PTCD3: variants seen among roughly 807,000 people sequenced by gnomAD.
PTCD3 encodes pentatricopeptide repeat domain 3.
In PTCD3, 89 loss-of-function variants were observed where a neutral mutation model predicts 101.9. The ratio of observed to expected loss-of-function variants is 0.87; its 90% CI spans 0.74 to 1.04. The LOEUF is 1.04. Among genes scored for constraint, PTCD3 ranks in the 50% least tolerant of loss-of-function variants. PTCD3 has a pLI of 0.00. For missense variants in PTCD3, 870 were observed against 828.2 expected (o/e 1.05, Z -0.62); for synonymous variants, 296 against 278.5 (o/e 1.06, Z -0.63).
chr2:86,116,513 TTA>T lies in PTCD3; in HGVS notation c.241-15_241-14del. 10 of 1,585,486 alleles carry T rather than the reference TTA, an allele frequency of 6.3e-6. No individual in the cohort carries two copies. The highest frequency in any genetic ancestry group is 8.7e-6 in the Non-Finnish European group (10 of 1,154,488). ...CTTCAAAATAAATATAGAAATTGTA[TTA>T]TGTCTTTTCCACAGGATACCACAGC... On this transcript the variant is annotated splice_polypyrimidine_tract_variant and intron_variant, in intron 4 of 23. Coordinates refer to ENST00000254630, the MANE Select transcript of PTCD3 (RefSeq NM_017952.6).
At position 86,131,248 on chromosome 2, in the gene PTCD3, A is replaced by AT. The variant is rs931828146; in HGVS notation, c.1266+152dup. 4,976 of 637,720 alleles carry AT rather than the reference A, an allele frequency of 7.8e-3. 1 individual carries two copies. The highest frequency in any genetic ancestry group is 8.8e-3 in the Non-Finnish European group (3,619 of 410,650). The allele number at this position is 637,720 out of a possible 1,614,324, so 39.5% of individuals were successfully genotyped here. Reference sequence around the variant, plus strand: ...TTTTCTTCTTTCTCTAAAATCTATAATTTTTTTTTTCTTTGAGATGGAGGT... The same window carrying AT: ...TTTTCTTCTTTCTCTAAAATCTATAATTTTTTTTTTTCTTTGAGATGGAGGT... On this transcript the variant is annotated intron_variant, in intron 16 of 23. Coordinates refer to ENST00000254630, the MANE Select transcript of PTCD3 (RefSeq NM_017952.6).
chr2:86,108,111 G>C (rs553744690), intron 1 of PTCD3, among the ~76,000 whole-genome samples: 6 of 149,244 alleles, frequency 4.0e-5, no homozygotes, highest in African/African-American at 1.5e-4. Context: ...AGGCAATGGA[G>C]CAAGACCCTG....
chr2:86,120,724 A>G (rs1395277625), intron 7 of PTCD3, among the ~76,000 whole-genome samples: 4 of 152,154 alleles, frequency 2.6e-5, no homozygotes, highest in African/African-American at 9.7e-5. Context: ...GCGAGACCTC[A>G]TCTCTACAAA....
chr2:86,137,337 T>C (rs1573860815), intron 23 of PTCD3, 132 bp from the exon 24 acceptor site: 6 of 1,369,798 alleles, frequency 4.4e-6, no homozygotes, highest in East Asian at 2.5e-5. Flanking sequence ...GTTTCTAATA[T>C]AGTTTAATGC....
intron 4 of PTCD3, among the ~76,000 whole-genome samples, chr2:86,112,290 T>A (rs1259420408): frequency 1.4e-5 from 2 of 144,504 alleles, no homozygotes; most frequent in Non-Finnish European, 1.5e-5. Context: ...TCTCCTGACC[T>A]CCTGATCCAC....
At chr2:86,127,844 AAT>A in intron 13 of PTCD3, 95 bp from the exon 14 acceptor site, 2 of 984,448 alleles carry the variant, frequency 2.0e-6, no homozygotes, top group South Asian at 1.3e-5. Flanking sequence ...AAATATTAAC[AAT>A]ATGTTTTTAA....
At chr2:86,124,943 T>C in intron 9 of PTCD3, 52 bp from the exon 10 acceptor site, 3 of 1,601,546 alleles carry the variant, frequency 1.9e-6, no homozygotes, top group Non-Finnish European at 2.6e-6. Context: ...TGGTGGTAGC[T>C]CTCATTGGTA....
Position 86,118,989 on chromosome 2 carries a change from TGA to T in PTCD3, c.485_486del (p.Glu162AlafsTer12), listed in dbSNP as rs757220886. On this transcript the variant is annotated frameshift_variant, in exon 7 of 24. Coordinates refer to ENST00000254630, the MANE Select transcript of PTCD3 (RefSeq NM_017952.6). LOFTEE classifies it high-confidence loss of function. ...GTGAAGCCGCCCTGAAGGAACGAATTGAGCTCAGAAAAGTCAAAGCCTCTGTG... is the reference window on the plus strand; with the variant it reads ...GTGAAGCCGCCCTGAAGGAACGAATTGCTCAGAAAAGTCAAAGCCTCTGTG... ...ISEAALKERI[E>X]LRKVKASVDM... 1 of 1,614,138 alleles carries T rather than the reference TGA, an allele frequency of 6.2e-7. No homozygotes were observed. The highest frequency in any genetic ancestry group is 1.3e-5 in the African/African-American group (1 of 75,046).
intron 4 of PTCD3, among the ~76,000 whole-genome samples, chr2:86,114,976 C>A (rs890250715): frequency 3.9e-5 from 6 of 152,118 alleles, no homozygotes; most frequent in Admixed American, 3.9e-4. Context: ...AGACCCAGTG[C>A]CCAGAGTTTT....
chr2:86,137,582 A>AGC lies in PTCD3; in HGVS notation c.*23_*24insGC. 8 of 1,494,974 alleles carry AGC rather than the reference A, an allele frequency of 5.4e-6. 1 individual carries two copies. The South Asian group carries it at 9.2e-5, about 17-fold the overall frequency. 92.6% of individuals were successfully genotyped at this position (1,494,974 alleles called of 1,614,324 possible). ...TGAAAGTGGAGATTCAGGAGCAGCA[A>AGC]TGGGTCTCACCATAGCTGCTGGAAT... On this transcript the variant is annotated 3_prime_UTR_variant, in exon 24 of 24. Coordinates refer to ENST00000254630, the MANE Select transcript of PTCD3 (RefSeq NM_017952.6).
At chr2:86,128,298 C>T (rs1206984423) in intron 14 of PTCD3, among the ~76,000 whole-genome samples, 1 of 149,984 alleles carries the variant, frequency 6.7e-6, no homozygotes, top group Non-Finnish European at 1.5e-5. Flanking sequence ...GTCTTACTAC[C>T]TAAAATTATT....
intron 4 of PTCD3, among the ~76,000 whole-genome samples, chr2:86,113,804 C>G (rs763736688): frequency 6.6e-6 from 1 of 151,958 alleles, no homozygotes; most frequent in Non-Finnish European, 1.5e-5. Context: ...CTGTCCCCCC[C>G]GCCACACACA....
At chr2:86,123,791 T>TTA (rs768310379) in intron 9 of PTCD3, 29 bp downstream of exon 9, 1 of 1,430,384 alleles carries the variant, frequency 7.0e-7, no homozygotes, top group African/African-American at 1.4e-5. Context: ...GAACCTTGAA[T>TTA]TACAGTGTCT....
Position 86,127,272 on chromosome 2 carries a change from C to A in PTCD3, c.1063C>A (p.Gln355Lys), listed in dbSNP as rs781082336. ...FHVFARSPAL[Q>K]VLREMKAIGI... ...TGTGTTTGCAAGATCGCCAGCCTTA[C>A]AGGTTTTACGTGAAATGAAAGCCAT... The change falls in exon 13 of 24, where the codon CAG becomes AAG. Residue 355 changes from glutamine to lysine, a missense_variant. Physicochemically the swap from Gln to Lys is moderately conservative, Grantham distance 53 (BLOSUM62 1). Transcript: ENST00000254630. The A allele has an allele frequency of 1.9e-6, 3 of 1,613,998 alleles. No homozygotes were observed. Among genetic ancestry groups the A allele is most frequent in the Non-Finnish European group, 1.7e-6 (2 of 1,180,026 alleles).
intron 11 of PTCD3, 26 bp from the exon 12 acceptor site, chr2:86,125,769 A>G (rs552377407): frequency 6.5e-7 from 1 of 1,540,708 alleles, no homozygotes; most frequent in East Asian, 2.3e-5. Context: ...TTCAACCCCA[A>G]ATTTTATCAT....
At chr2:86,124,910 G>A (rs1480305533) in intron 9 of PTCD3, 85 bp from the exon 10 acceptor site, 1 of 1,542,256 alleles carries the variant, frequency 6.5e-7, no homozygotes, top group Non-Finnish European at 8.7e-7. Context: ...ACATTGCCTA[G>A]AACATAATAA....
At chr2:86,131,144 C>A in intron 16 of PTCD3, 38 bp downstream of exon 16, 1 of 1,493,546 alleles carries the variant, frequency 6.7e-7, no homozygotes, top group Non-Finnish European at 9.2e-7. Flanking sequence ...TATCCATTTC[C>A]TAAATTTATC....
At chr2:86,107,067 A>G (rs1416505910) in intron 1 of PTCD3, 7 of 468,602 alleles carry the variant, frequency 1.5e-5, no homozygotes, top group Admixed American at 7.1e-5. Context: ...TTTGTGAGGT[A>G]TAAGTGGGGT....
intron 14 of PTCD3, among the ~76,000 whole-genome samples, chr2:86,128,405 G>T (rs1674437771): frequency 6.6e-6 from 1 of 152,032 alleles, no homozygotes; most frequent in Non-Finnish European, 1.5e-5. Flanking sequence ...ACAGGAATTG[G>T]GTAGAATATA....
Sources: allele counts gnomAD v4.1 joint callset (sites outside exome capture counted in the v4.1 genomes callset), GRCh38; gene constraint gnomAD v4.1.1; transcripts MANE v1.5; gene names NCBI Gene and HGNC (gene_info 2026-07-23, HGNC 2026-07-21).